Variants in ST3GAL1 observed in about 807,000 individuals in gnomAD.
The protein encoded by ST3GAL1 is ST3 beta-galactoside alpha-2,3-sialyltransferase 1.
ST3GAL1 carries 16 observed loss-of-function variants against 34.1 expected under a neutral mutation model. The ratio of observed to expected loss-of-function variants is 0.47; its 90% CI spans 0.32 to 0.71. The LOEUF (loss-of-function observed/expected upper bound fraction) is 0.71. Among genes scored for constraint, ST3GAL1 ranks in the 30% least tolerant of loss-of-function variants. The pLI is 0.04. For synonymous variants in ST3GAL1, 191 were observed against 184.7 expected, an observed-to-expected ratio of 1.03 and a Z score of -0.28; for missense variants, 353 against 447.4, an observed-to-expected ratio of 0.79 and a Z score of 1.90.
At chr8:133,499,977 G>A (rs1817095530) in intron 2 of ST3GAL1, among the ~76,000 whole-genome samples, 1 of 152,180 alleles carries the variant, frequency 6.6e-6, no homozygotes, top group African/African-American at 2.4e-5. Context: ...AGACAGCTAG[G>A]CATTTTGCGA....
intron 2 of ST3GAL1, among the ~76,000 whole-genome samples, chr8:133,501,899 G>T (rs1817168171): frequency 6.6e-6 from 1 of 152,158 alleles, no homozygotes. Flanking sequence ...TCTTAATGAG[G>T]TGCATCCTGG....
intron 9 of ST3GAL1, among the ~76,000 whole-genome samples, chr8:133,460,551 A>G (rs1337961629): frequency 9.9e-5 from 15 of 152,194 alleles, no homozygotes; most frequent in Non-Finnish European, 2.2e-4. Flanking sequence ...AACCCTGTGC[A>G]TTTATTCTGA....
rs1491394757 is a variant in ST3GAL1, at chr8:133,562,836, TCC to T, written c.-582+8855_-582+8856del. On this transcript the variant is annotated intron_variant, in intron 1 of 9. Coordinates refer to ENST00000522652, the MANE Select transcript of ST3GAL1 (RefSeq NM_173344.3). ...TTCCTTCCTTCCTTCCTTCCTTCCT[TCC>T]TTCCTTTCTTTCTTTTTTTTTTTTT... Among the ~76,000 whole-genome samples, 798 of 115,088 alleles carry T rather than the reference TCC, an allele frequency of 6.9e-3. 10 individuals are homozygous for T. The highest frequency in any genetic ancestry group is 0.022 in the African/African-American group (644 of 28,638). 75.5% of individuals were successfully genotyped at this position (115,088 alleles called of 152,430 possible).
At chr8:133,542,779 C>CAAAAAAAAA (rs35321251) in intron 2 of ST3GAL1, among the ~76,000 whole-genome samples, 2 of 85,520 alleles carry the variant, frequency 2.3e-5, no homozygotes, top group Admixed American at 1.3e-4. Context: ...TCCTCCATCT[C>CAAAAAAAAA]AAAAAAAAAA....
chr8:133,459,763 G>A lies in ST3GAL1; in HGVS notation c.*1C>T, dbSNP rs761386475. ...GCGTCCATCCTCAGCCCTTCACTGC[G>A]TCATCTCCCCTTGAAGATCCGGATT... is the stretch of plus-strand genomic sequence containing the variant. On this transcript the variant is annotated 3_prime_UTR_variant, in exon 10 of 10. Transcript: ENST00000522652. The surrounding 1 kb of genome is among the most constrained non-coding windows in gnomAD (Gnocchi z 4.7). 1.1e-4 allele frequency: 179 copies of A among 1,609,024 alleles called. No homozygotes were observed. Among genetic ancestry groups the A allele is most frequent in the East Asian group, 3.4e-4 (15 of 44,684 alleles).
At chr8:133,517,710 C>G (rs1474344756) in intron 2 of ST3GAL1, among the ~76,000 whole-genome samples, 1 of 152,222 alleles carries the variant, frequency 6.6e-6, no homozygotes, top group Non-Finnish European at 1.5e-5. Flanking sequence ...CTGGAAAGTC[C>G]TTAACTGCTG....
intron 1 of ST3GAL1, among the ~76,000 whole-genome samples, chr8:133,551,480 A>AAGAAAGAAAG (rs955564393): frequency 6.6e-6 from 1 of 150,630 alleles, no homozygotes; most frequent in African/African-American, 2.5e-5. Flanking sequence ...GAGAGAGAGA[A>AAGAAAGAAAG]AGAAAGAAAG....
At chr8:133,564,227 C>T (rs1198698800) in intron 1 of ST3GAL1, among the ~76,000 whole-genome samples, 2 of 152,158 alleles carry the variant, frequency 1.3e-5, no homozygotes, top group African/African-American at 4.8e-5. Context: ...GAAGTTCTCT[C>T]GGCTTTAATC....
At position 133,459,498 on chromosome 8, in the gene ST3GAL1, C is replaced by A. The variant is rs1815416471; in HGVS notation, c.*266G>T. The A allele has an allele frequency of 5.8e-6, 2 of 347,470 alleles. No homozygotes were observed. Among genetic ancestry groups the A allele is most frequent in the Non-Finnish European group, 5.2e-6 (1 of 193,244 alleles). The allele number at this position is 347,470 out of a possible 1,614,324, so 21.5% of individuals were successfully genotyped here. Reference sequence around the variant, plus strand: ...TAGTGTGTGGAGGTTGAACCTTTCCCAGCGTCTCCCCAGCTCTAGGGCAGC... The same window carrying A: ...TAGTGTGTGGAGGTTGAACCTTTCCAAGCGTCTCCCCAGCTCTAGGGCAGC... On this transcript the variant is annotated 3_prime_UTR_variant, in exon 10 of 10. Coordinates refer to ENST00000522652, the MANE Select transcript of ST3GAL1 (RefSeq NM_173344.3). This position sits in a 1 kb window ranked among gnomAD's most constrained non-coding sequence, Gnocchi z 4.7.
rs148561822 is a variant in ST3GAL1 at position 133,559,185 on chromosome 8, G to A, written c.-582+12508C>T. Among the ~76,000 whole-genome samples the A allele has an allele frequency of 5.4e-3, 821 of 152,256 alleles. 8 individuals are homozygous for A. The highest frequency in any genetic ancestry group is 0.018 in the African/African-American group (760 of 41,542). On this transcript the variant is annotated intron_variant, in intron 1 of 9. Coordinates refer to ENST00000522652, the MANE Select transcript of ST3GAL1 (RefSeq NM_173344.3). ...AATACATCAGAGATACTTAACTCTTGTTTATATCAGTTACCCTATGGTGAA... is the reference window on the plus strand; with the variant it reads ...AATACATCAGAGATACTTAACTCTTATTTATATCAGTTACCCTATGGTGAA...
chr8:133,534,692 A>G (rs1361365006), intron 2 of ST3GAL1, among the ~76,000 whole-genome samples: 3 of 152,226 alleles, frequency 2.0e-5, no homozygotes, highest in African/African-American at 7.2e-5. Context: ...GGAGCTAAAG[A>G]AGAGAGAATT....
intron 5 of ST3GAL1, among the ~76,000 whole-genome samples, chr8:133,474,530 T>C (rs1051664121): frequency 2.0e-5 from 3 of 152,240 alleles, no homozygotes; most frequent in Non-Finnish European, 4.4e-5. Context: ...AGTGATTTCC[T>C]GTTGCACTTA....
At chr8:133,492,036 A>C (rs1466786233) in intron 3 of ST3GAL1, among the ~76,000 whole-genome samples, 1 of 152,174 alleles carries the variant, frequency 6.6e-6, no homozygotes, top group Non-Finnish European at 1.5e-5. Flanking sequence ...AAGGATCGGC[A>C]CCACGGGGTC....
intron 1 of ST3GAL1, among the ~76,000 whole-genome samples, chr8:133,569,171 C>G (rs904777671): frequency 1.5e-4 from 23 of 152,212 alleles, no homozygotes; most frequent in African/African-American, 5.5e-4. Flanking sequence ...AGGCCCTGCT[C>G]AAGCCCAGGT....
intron 1 of ST3GAL1, among the ~76,000 whole-genome samples, chr8:133,555,951 T>C (rs1415721894): frequency 6.6e-6 from 1 of 152,090 alleles, no homozygotes; most frequent in Non-Finnish European, 1.5e-5. Context: ...TGGAGTGGAG[T>C]GGCACGGTCT....
intron 1 of ST3GAL1, among the ~76,000 whole-genome samples, chr8:133,562,845 T>TTC (rs1563744704): frequency 5.2e-4 from 45 of 86,276 alleles, no homozygotes; most frequent in African/African-American, 1.1e-3. Context: ...TTCCTTCCTT[T>TTC]CTTTCTTTTT....
intron 1 of ST3GAL1, among the ~76,000 whole-genome samples, chr8:133,552,153 A>T (rs1216214484): frequency 6.6e-6 from 1 of 152,114 alleles, no homozygotes; most frequent in African/African-American, 2.4e-5. Flanking sequence ...CTGCAGGGGG[A>T]GAGAGAACAC....
chr8:133,478,560 C>T lies in ST3GAL1; in HGVS notation c.-373-1960G>A, dbSNP rs1281165206. Among the ~76,000 whole-genome samples the T allele has an allele frequency of 2.0e-5, 3 of 152,222 alleles. No homozygotes were observed. In the East Asian group the frequency reaches 5.8e-4, roughly 29 times the overall value. ...ATGGGGTAAAGTAGGTTATTTGTAA[C>T]TTGAAGCAATGTGACTGACCCAGAG... On this transcript the variant is annotated intron_variant, in intron 3 of 9. Transcript: ENST00000522652.
At chr8:133,541,060 TATATATAGAC>T (rs1554618827) in intron 2 of ST3GAL1, among the ~76,000 whole-genome samples, 1 of 46,076 alleles carries the variant, frequency 2.2e-5, no homozygotes, top group African/African-American at 8.5e-5. Context: ...TATAGACATA[TATATATAGAC>T]ATATATATAG....
Sources: gnomAD v4.1 joint callset for allele counts (sites outside exome capture counted in the v4.1 genomes callset) on GRCh38, gnomAD v4.1.1 for gene constraint, Gnocchi (gnomAD v3.1) non-coding constraint, MANE v1.5 for transcripts, NCBI Gene and HGNC (gene_info 2026-07-23, HGNC 2026-07-21) for gene names.